DAB2IP: variants seen among roughly 807,000 people sequenced by gnomAD.
The protein encoded by DAB2IP is DAB2 interacting protein.
Under a neutral mutation model 107.2 loss-of-function variants are expected in DAB2IP, and 28 were observed. That is an observed-to-expected ratio of 0.26 (90% CI 0.19 to 0.36). DAB2IP has a LOEUF of 0.36. DAB2IP is among the 10% of genes least tolerant of loss of function. The pLI is 1.00. For missense variants in DAB2IP, 1,400 were observed against 1,644.7 expected (o/e 0.85, Z 2.57); for synonymous variants, 755 against 706.4 (o/e 1.07, Z -1.09).
exon 16 of DAB2IP, chr9:121,784,147 CAGATGCTGGT>C: frequency 6.4e-6 from 1 of 156,830 alleles, no homozygotes; most frequent in East Asian, 1.9e-4. Context: ...AGGCTAGAGA[CAGATGCTGGT>C]GGAGGAAGGG....
exon 9 of DAB2IP, chr9:121,766,504 C>T (rs769184160): frequency 1.7e-5 from 27 of 1,606,706 alleles, no homozygotes; most frequent in East Asian, 6.7e-5. Context: ...TGTCTTCCCA[C>T]GGGAGTTGAA....
At chr9:121,642,324 T>C (rs1184834641) in intron 1 of DAB2IP, among the ~76,000 whole-genome samples, 1 of 151,542 alleles carries the variant, frequency 6.6e-6, no homozygotes, top group Non-Finnish European at 1.5e-5. Flanking sequence ...CACTGCAACC[T>C]CTGCCTCCCG....
chr9:121,641,179 GC>G (rs1196526592), intron 1 of DAB2IP, among the ~76,000 whole-genome samples: 1 of 152,216 alleles, frequency 6.6e-6, no homozygotes, highest in Admixed American at 6.5e-5. Context: ...AATTATAGGG[GC>G]CCAACCCTTC....
intron 3 of DAB2IP, among the ~76,000 whole-genome samples, chr9:121,739,665 C>T (rs1450536215): frequency 2.0e-5 from 3 of 152,164 alleles, no homozygotes; most frequent in African/African-American, 7.2e-5. Context: ...ACTGAGGCTC[C>T]ACGCTGGACA....
At chr9:121,568,148 C>G (rs906540561) in intron 1 of DAB2IP, among the ~76,000 whole-genome samples, 1 of 152,180 alleles carries the variant, frequency 6.6e-6, no homozygotes, top group Non-Finnish European at 1.5e-5. Context: ...GACCACAGTT[C>G]TACTAAGAAA....
At chr9:121,640,244 G>C (rs771326053) in intron 1 of DAB2IP, among the ~76,000 whole-genome samples, 4 of 152,150 alleles carry the variant, frequency 2.6e-5, no homozygotes, top group Non-Finnish European at 5.9e-5. Flanking sequence ...AGGGCTCCCC[G>C]CTGCTGTGTG....
At chr9:121,765,418 G>A (rs1407842648) in intron 8 of DAB2IP, among the ~76,000 whole-genome samples, 3 of 152,332 alleles carry the variant, frequency 2.0e-5, no homozygotes, top group East Asian at 1.9e-4. Flanking sequence ...TTCATTCCCC[G>A]CTAGGTGTGC....
intron 10 of DAB2IP, 67 bp downstream of exon 10, chr9:121,768,700 C>A: frequency 6.3e-7 from 1 of 1,587,180 alleles, no homozygotes. Context: ...TTCCCCCTTC[C>A]AGAGTAACCA....
intron 2 of DAB2IP, among the ~76,000 whole-genome samples, chr9:121,689,216 C>T (rs1168143684): frequency 1.3e-5 from 2 of 152,008 alleles, no homozygotes; most frequent in Middle Eastern, 3.4e-3. Context: ...ATAGCTTGAA[C>T]CTGGGAGGTG....
chr9:121,664,601 T>A (rs538025434), intron 1 of DAB2IP, among the ~76,000 whole-genome samples: 1 of 152,344 alleles, frequency 6.6e-6, no homozygotes, highest in African/African-American at 2.4e-5. Flanking sequence ...ATGTGTTAAA[T>A]TTATTAAGTA....
At chr9:121,567,464 A>G (rs962085257) in intron 1 of DAB2IP, among the ~76,000 whole-genome samples, 3 of 152,128 alleles carry the variant, frequency 2.0e-5, no homozygotes, top group African/African-American at 7.2e-5. Flanking sequence ...CAGGGGAGGG[A>G]GAGAGAGTTT....
chr9:121,747,471 C>T, intron 3 of DAB2IP, among the ~76,000 whole-genome samples: 1 of 152,032 alleles, frequency 6.6e-6, no homozygotes, highest in Non-Finnish European at 1.5e-5. Context: ...CCTCAGCCTC[C>T]CGAGTAGCTG....
At chr9:121,742,989 G>A (rs1832459420) in intron 3 of DAB2IP, 1 of 985,516 alleles carries the variant, frequency 1.0e-6, no homozygotes, top group South Asian at 4.7e-5. Context: ...ATGTGGAGCA[G>A]TTGGGGCCTG....
chr9:121,572,807 C>T lies in DAB2IP; in HGVS notation c.40+5579C>T, dbSNP rs141599040. ...GAGCGGGGGTTGGGCTCAGACAGCC[C>T]GCTGGGATAAACCCTCCAGAAGCGG... On this transcript the variant is annotated intron_variant, in intron 1 of 16. Coordinates refer to the DAB2IP transcript ENST00000259371. 5.8e-4 allele frequency among the ~76,000 whole-genome samples: 88 copies of T among 152,242 alleles called. 3 individuals are homozygous for T. The highest frequency in any genetic ancestry group is 2.0e-3 in the African/African-American group (84 of 41,516).
At chr9:121,742,354 G>A (rs1303704483) in intron 3 of DAB2IP, among the ~76,000 whole-genome samples, 4 of 152,196 alleles carry the variant, frequency 2.6e-5, no homozygotes, top group Non-Finnish European at 2.9e-5. Context: ...ACTTGAACCC[G>A]GGAGGCAGAG....
chr9:121,678,903 C>A, intron 2 of DAB2IP, 122 bp downstream of exon 2: 2 of 941,026 alleles, frequency 2.1e-6, no homozygotes, highest in African/African-American at 1.7e-5. Flanking sequence ...GAGCATCCGG[C>A]CTCCCTTGCT....
intron 3 of DAB2IP, among the ~76,000 whole-genome samples, chr9:121,723,869 G>A (rs1263120646): frequency 6.6e-6 from 1 of 152,098 alleles, no homozygotes. Flanking sequence ...CCTGCCCACT[G>A]CTGCTGGGGG....
intron 1 of DAB2IP, among the ~76,000 whole-genome samples, chr9:121,571,218 G>T (rs1040138404): frequency 6.6e-6 from 1 of 151,960 alleles, no homozygotes; most frequent in African/African-American, 2.4e-5. Flanking sequence ...CTTTATGGAC[G>T]TGTTCATATG....
chr9:121,729,093 G>A (rs546957909), intron 3 of DAB2IP, among the ~76,000 whole-genome samples: 1 of 152,246 alleles, frequency 6.6e-6, no homozygotes, highest in African/African-American at 2.4e-5. Context: ...CCAGGTACTT[G>A]ACAGTCATCA....
Sources: gnomAD v4.1 joint callset for allele counts (sites outside exome capture counted in the v4.1 genomes callset) on GRCh38, gnomAD v4.1.1 for gene constraint, MANE v1.5 for transcripts, NCBI Gene and HGNC (gene_info 2026-07-23, HGNC 2026-07-21) for gene names.